Variants in PTCH1 observed in about 807,000 individuals in gnomAD.
PTCH1 encodes patched 1.
In PTCH1, 14 loss-of-function variants were observed where a neutral mutation model predicts 144.6. The observed-to-expected ratio is 0.10, with a 90% CI of 0.06 to 0.15. The LOEUF is 0.15. Among genes scored for constraint, PTCH1 ranks in the 10% least tolerant of loss-of-function variants. PTCH1 has a pLI of 1.00. For synonymous variants in PTCH1, 833 were observed against 793.6 expected (o/e 1.05, Z -0.83); for missense variants, 1,623 against 1,948.3 (o/e 0.83, Z 3.14).
At chr9:95,470,026 C>T in intron 12 of PTCH1, 95 bp from the exon 13 acceptor site, 1 of 940,342 alleles carries the variant, frequency 1.1e-6, no homozygotes, top group Non-Finnish European at 1.7e-6. Context: ...CAATATTTTT[C>T]TTTCCCTTTC....
chr9:95,501,970 G>A (rs1182653069), intron 2 of PTCH1, among the ~76,000 whole-genome samples: 1 of 152,178 alleles, frequency 6.6e-6, no homozygotes, highest in Non-Finnish European at 1.5e-5. Context: ...GCACACTCGT[G>A]AGACAGGGAT....
chr9:95,479,300 TTA>T (rs1300008591), intron 7 of PTCH1, among the ~76,000 whole-genome samples, 153 bp from the exon 8 acceptor site: 1 of 152,224 alleles, frequency 6.6e-6, no homozygotes, highest in Non-Finnish European at 1.5e-5. Flanking sequence ...ACCAGGATGG[TTA>T]TTTTATTTAA....
chr9:95,507,025 C>A, intron 1 of PTCH1: 1 of 990,014 alleles, frequency 1.0e-6, no homozygotes, highest in Non-Finnish European at 1.2e-6. Context: ...CTGTCCATCA[C>A]CCTCGGGGAC....
chr9:95,469,733 A>G (rs750650067), intron 13 of PTCH1, 80 bp downstream of exon 13: 52 of 1,336,732 alleles, frequency 3.9e-5, no homozygotes, highest in Middle Eastern at 1.8e-4. Context: ...ACATTCCTTT[A>G]TAAGTCCACA....
At chr9:95,488,401 C>T (rs764716692) in intron 2 of PTCH1, among the ~76,000 whole-genome samples, 18 of 152,146 alleles carry the variant, frequency 1.2e-4, no homozygotes, top group Non-Finnish European at 2.2e-4. Context: ...CTGAAGTCTA[C>T]GGTTTTCTCA....
Position 95,476,768 on chromosome 9 carries a change from G to A in PTCH1, c.1593C>T (p.Ile531=), listed in dbSNP as rs587780694. The A allele has an allele frequency of 1.9e-5, 31 of 1,613,454 alleles. No individual in the cohort carries two copies. The highest frequency in any genetic ancestry group is 1.6e-4 in the Middle Eastern group (1 of 6,084). ...TTTGTTTTTGCATTACCTCAAAAGG[G>A]ATTCTTTTATTCTGTCCTGTTTCAC... ...AFSETGQNKR[I]PFEDRTGECL... is the part of the protein sequence containing the mutation. The change falls in exon 11 of 24, where the codon ATC becomes ATT. Residue 531 remains isoleucine (I), a synonymous_variant. Coordinates refer to ENST00000331920, the MANE Select transcript of PTCH1 (RefSeq NM_000264.5). The surrounding 1 kb of genome is among the most constrained non-coding windows in gnomAD (Gnocchi z 4.6).
chr9:95,461,245 C>T (rs957945370), intron 16 of PTCH1, among the ~76,000 whole-genome samples: 3 of 152,030 alleles, frequency 2.0e-5, no homozygotes, highest in South Asian at 2.1e-4. Context: ...CAAACAGAAA[C>T]GGTTATTACT....
intron 15 of PTCH1, among the ~76,000 whole-genome samples, chr9:95,465,056 G>A (rs191044574): frequency 9.4e-4 from 143 of 151,824 alleles, no homozygotes; most frequent in African/African-American, 3.1e-3. Flanking sequence ...TGTTCACACA[G>A]CAATCAAAAC....
chr9:95,507,027 C>T (rs1266781296), intron 1 of PTCH1: 1 of 989,960 alleles, frequency 1.0e-6, no homozygotes, highest in Non-Finnish European at 1.2e-6. Flanking sequence ...GTCCATCACC[C>T]TCGGGGACGG....
exon 1 of PTCH1, chr9:95,516,861 C>T: frequency 2.0e-6 from 3 of 1,527,222 alleles, no homozygotes; most frequent in Non-Finnish European, 2.7e-6. Context: ...TAGGCAGGAC[C>T]TGTCAGGGTC....
chr9:95,453,488 A>G lies in PTCH1; in HGVS notation c.3439T>C (p.Phe1147Leu). The G allele has an allele frequency of 6.2e-7, 1 of 1,614,126 alleles. No individual in the cohort carries two copies. ...VLMLAGSEFD[F>L]IVRYFFAVLA... Reference sequence around the variant, plus strand: ...CACACGCCTGCTTACCTGACAATGAAGTCGAACTCAGATCCCGCCAGCATC... The same window carrying G: ...CACACGCCTGCTTACCTGACAATGAGGTCGAACTCAGATCCCGCCAGCATC... Residue 1147 changes from phenylalanine to leucine, a missense_variant, in exon 20 of 24, where the codon TTC becomes CTC. Around this residue, in one of 7 missense-constraint regions of PTCH1, gnomAD observed 504 missense variants for 679.3 expected, o/e 0.74. Transcript: ENST00000331920.
Position 95,480,010 on chromosome 9 carries a change from A to G in PTCH1, c.1026T>C (p.Ile342=). ...RKYMHWQEEL[I]VGGTVKNSTG... Reference sequence around the variant, plus strand: ...TGCTGTTCTTGACTGTGCCACCCACAATCAACTCCTCCTGCCAGTGCATAT... The same window carrying G: ...TGCTGTTCTTGACTGTGCCACCCACGATCAACTCCTCCTGCCAGTGCATAT... The change falls in exon 7 of 24, where the codon ATT becomes ATC. Residue 342 remains isoleucine (I), a synonymous_variant. Coordinates refer to ENST00000331920, the MANE Select transcript of PTCH1 (RefSeq NM_000264.5). 6.2e-7 allele frequency: 1 copy of G among 1,614,142 alleles called. No homozygotes were observed. Among genetic ancestry groups the G allele is most frequent in the Non-Finnish European group, 8.5e-7 (1 of 1,180,048 alleles).
At chr9:95,509,675 C>A (rs550936366), upstream of PTCH1, among the ~76,000 whole-genome samples, 1 of 152,134 alleles carries the variant, frequency 6.6e-6, no homozygotes. Flanking sequence ...TTTTTTTAAG[C>A]GCTTAAACAA....
At chr9:95,505,820 G>C (rs2118860175) in intron 2 of PTCH1, among the ~76,000 whole-genome samples, 1 of 151,082 alleles carries the variant, frequency 6.6e-6, no homozygotes, top group East Asian at 2.0e-4. Context: ...TTTTCCCTCA[G>C]AGTTGAAAGC....
chr9:95,505,821 A>T (rs1843537638), intron 2 of PTCH1, among the ~76,000 whole-genome samples: 1 of 150,540 alleles, frequency 6.6e-6, no homozygotes, highest in African/African-American at 2.4e-5. Context: ...TTTCCCTCAG[A>T]GTTGAAAGCT....
chr9:95,480,472 C>A lies in PTCH1; in HGVS notation c.863G>T (p.Gly288Val), dbSNP rs1178742053. The A allele has an allele frequency of 1.2e-6, 2 of 1,612,300 alleles. No individual in the cohort carries two copies. The highest frequency in any genetic ancestry group is 1.3e-5 in the African/African-American group (1 of 74,340). ...WEEMLNKAEV[G>V]HGYMDRPCLN... ...GCAGGGGCGGTCCATGTAACCATGA[C>A]CAACCTCAGCCTTATTCAGCATTTC... The change falls in exon 6 of 24, where the codon GGT (glycine) becomes GTT (valine). Residue 288 changes from glycine to valine, a missense_variant. By Grantham distance (109) the Gly-to-Val change is moderately radical. Transcript: ENST00000331920.
intron 2 of PTCH1, among the ~76,000 whole-genome samples, chr9:95,488,968 G>A (rs1328156977): frequency 1.2e-4 from 19 of 152,142 alleles, no homozygotes; most frequent in Admixed American, 1.0e-3. Context: ...CAAGTGTGGC[G>A]GAGCTTGGTG....
At chr9:95,496,997 G>A (rs1842838403) in intron 2 of PTCH1, among the ~76,000 whole-genome samples, 1 of 152,156 alleles carries the variant, frequency 6.6e-6, no homozygotes, top group Non-Finnish European at 1.5e-5. Context: ...AGGGAGTCAA[G>A]AAGCCTACAT....
intron 1 of PTCH1, chr9:95,516,350 G>C: frequency 3.9e-6 from 3 of 774,888 alleles, no homozygotes; most frequent in Non-Finnish European, 4.9e-6. Context: ...CCGGCGCTCG[G>C]GGCTCGCTCC....
Sources: allele counts gnomAD v4.1 joint callset (sites outside exome capture counted in the v4.1 genomes callset), GRCh38; gene constraint gnomAD v4.1.1; regional missense constraint gnomAD v4.1.1; non-coding constraint Gnocchi (gnomAD v3.1); transcripts MANE v1.5; gene names NCBI Gene and HGNC (gene_info 2026-07-23, HGNC 2026-07-21).